The following ARMC8 variants were observed in gnomAD, a reference collection of about 807,000 sequenced individuals.
ARMC8 encodes armadillo repeat-containing protein 8.
ARMC8 carries 20 observed loss-of-function variants against 99.3 expected under a neutral mutation model. That is an observed-to-expected ratio of 0.20 (90% CI 0.14 to 0.29). The LOEUF (loss-of-function observed/expected upper bound fraction) is 0.29. Among genes scored for constraint, ARMC8 ranks in the 10% least tolerant of loss-of-function variants. ARMC8 has a pLI of 1.00. For synonymous variants in ARMC8, 263 were observed against 278.3 expected (o/e 0.95, Z 0.55); for missense variants, 569 against 809.5 (o/e 0.70, Z 3.60).
rs550097862 is a variant in ARMC8 at position 138,262,676 on chromosome 3, A to G, written c.1135-1063A>G. 1.9e-3 allele frequency: 2,378 copies of G among 1,284,950 alleles called. 20 individuals are homozygous for G. The Middle Eastern group carries it at 0.022, about 12-fold the overall frequency. 79.6% of individuals were successfully genotyped at this position (1,284,950 alleles called of 1,614,324 possible). A position where few individuals can be genotyped will look rare whatever the true frequency, so the allele number is the denominator to read the frequency against. On this transcript the variant is annotated intron_variant, in intron 12 of 21. Coordinates refer to ENST00000469044, the MANE Select transcript of ARMC8 (RefSeq NM_001363941.2). ...AATTGGTCTGCTGTATGGCCTGGAC[A>G]TAGGATTAAAAAAAAAAATCTCCCC...
At chr3:138,276,804 G>T (rs893473781) in intron 18 of ARMC8, among the ~76,000 whole-genome samples, 2 of 152,114 alleles carry the variant, frequency 1.3e-5, no homozygotes, top group African/African-American at 4.8e-5. Flanking sequence ...TAAAATGTTG[G>T]TTCTCCCCAA....
intron 6 of ARMC8, among the ~76,000 whole-genome samples, chr3:138,234,542 G>T (rs541039671): frequency 1.3e-5 from 2 of 152,322 alleles, no homozygotes; most frequent in South Asian, 4.1e-4. Flanking sequence ...TGTTAAGGTA[G>T]GTTAGTTTGT....
Position 138,223,511 on chromosome 3 carries a change from T to G in ARMC8, c.317T>G (p.Ile106Ser). ...GTCAAGTCTCTACTGGACTGCCATATTATCCCTGCCTTATTGCAAGGTATG... is the reference window on the plus strand; with the variant it reads ...GTCAAGTCTCTACTGGACTGCCATAGTATCCCTGCCTTATTGCAAGGTATG... ...NNVKSLLDCH[I>S]IPALLQGLLS... The change falls in exon 4 of 22, where the codon ATT (isoleucine) becomes AGT (serine). Residue 106 changes from isoleucine to serine, a missense_variant. This residue lies in a region of ARMC8 where 342 missense variants were observed against 391.6 expected (regional missense o/e 0.87). Coordinates refer to ENST00000469044, the MANE Select transcript of ARMC8 (RefSeq NM_001363941.2). 2 of 1,614,226 alleles carry G rather than the reference T, an allele frequency of 1.2e-6. No individual in the cohort carries two copies. The highest frequency in any genetic ancestry group is 1.7e-6 in the Non-Finnish European group (2 of 1,180,036).
intron 5 of ARMC8, among the ~76,000 whole-genome samples, chr3:138,224,976 C>T (rs535077607): frequency 3.3e-5 from 5 of 152,154 alleles, no homozygotes; most frequent in East Asian, 3.9e-4. Context: ...AGCTGACTTT[C>T]GGTTGAAATC....
intron 6 of ARMC8, among the ~76,000 whole-genome samples, chr3:138,233,622 A>G (rs965421703): frequency 6.6e-6 from 1 of 152,250 alleles, no homozygotes; most frequent in Admixed American, 6.5e-5. Flanking sequence ...ATTGTTACCT[A>G]TAAAGTAGAA....
intron 19 of ARMC8, among the ~76,000 whole-genome samples, chr3:138,288,380 T>G (rs922438391): frequency 1.2e-4 from 19 of 152,226 alleles, no homozygotes; most frequent in African/African-American, 4.1e-4. Context: ...AAGCATAGAA[T>G]TGTCATATGA....
At chr3:138,282,993 A>C (rs1055301644) in intron 18 of ARMC8, among the ~76,000 whole-genome samples, 1 of 152,224 alleles carries the variant, frequency 6.6e-6, no homozygotes, top group Non-Finnish European at 1.5e-5. Flanking sequence ...CACCTTCTCC[A>C]GATCAGATCA....
intron 12 of ARMC8, chr3:138,245,394 A>G (rs2046835895): frequency 2.1e-6 from 3 of 1,396,696 alleles, no homozygotes; most frequent in African/African-American, 2.9e-5. Context: ...CCGTGCTGGA[A>G]TGACAAATAA....
intron 19 of ARMC8, among the ~76,000 whole-genome samples, chr3:138,286,833 A>C (rs1207183441): frequency 6.6e-6 from 1 of 151,948 alleles, no homozygotes; most frequent in African/African-American, 2.4e-5. Flanking sequence ...CCCAGCCTAG[A>C]CCTCTCTTCC....
At chr3:138,251,770 T>G (rs1156375370) in intron 12 of ARMC8, among the ~76,000 whole-genome samples, 2 of 152,228 alleles carry the variant, frequency 1.3e-5, no homozygotes, top group Non-Finnish European at 2.9e-5. Context: ...TATTTCATAG[T>G]TTCATTAAAT....
chr3:138,223,322 T>C, intron 3 of ARMC8, 67 bp from the exon 4 acceptor site: 1 of 1,501,186 alleles, frequency 6.7e-7, no homozygotes, highest in Non-Finnish European at 9.1e-7. Flanking sequence ...TGCACAGCCT[T>C]TTTTGGTCAC....
intron 12 of ARMC8, among the ~76,000 whole-genome samples, chr3:138,250,161 A>G (rs1329811710): frequency 3.3e-5 from 5 of 152,102 alleles, no homozygotes; most frequent in South Asian, 2.1e-4. Context: ...AAAGAACAAG[A>G]ATTTGTCTTC....
chr3:138,295,248 G>A (rs1004222398), intron 21 of ARMC8, among the ~76,000 whole-genome samples: 1 of 151,974 alleles, frequency 6.6e-6, no homozygotes, highest in African/African-American at 2.4e-5. Context: ...CCCCATCACC[G>A]TAACAACACA....
intron 6 of ARMC8, among the ~76,000 whole-genome samples, chr3:138,232,273 G>A (rs182747950): frequency 6.6e-6 from 1 of 152,124 alleles, no homozygotes; most frequent in East Asian, 1.9e-4. Context: ...ACTGCGTCTA[G>A]CCCCTTACAA....
At chr3:138,252,740 CA>C (rs1344916812) in intron 12 of ARMC8, among the ~76,000 whole-genome samples, 5 of 38,538 alleles carry the variant, frequency 1.3e-4, no homozygotes, top group African/African-American at 4.8e-4. Context: ...AGGCGTGAGC[CA>C]CCCCGCCCCC....
chr3:138,196,985 A>AT (rs970396824), intron 1 of ARMC8, among the ~76,000 whole-genome samples: 1 of 152,146 alleles, frequency 6.6e-6, no homozygotes, highest in African/African-American at 2.4e-5. Flanking sequence ...AAGAGCTACA[A>AT]TTTTTTACCC....
intron 18 of ARMC8, 131 bp downstream of exon 18, chr3:138,274,675 G>C (rs1263069338): frequency 6.1e-6 from 4 of 660,016 alleles, no homozygotes; most frequent in Non-Finnish European, 1.0e-5. Flanking sequence ...GAAATAGGAA[G>C]AAATATCTTC....
In ARMC8 at chr3:138,276,001, G is replaced by C. The variant is rs2049256131; in HGVS notation, c.1725+1457G>C. Among the ~76,000 whole-genome samples the C allele has an allele frequency of 6.6e-5, 10 of 152,244 alleles. No homozygotes were observed. The South Asian group carries it at 2.1e-3, about 32-fold the overall frequency. On this transcript the variant is annotated intron_variant, in intron 18 of 21. Transcript: ENST00000469044. ...AAACCATTGTACTTTGAGAGGATAG[G>C]AATGAATTTTGTCTATAAAGACAAC...
At chr3:138,214,348 AT>A (rs879828687) in intron 2 of ARMC8, among the ~76,000 whole-genome samples, 2,000 of 145,452 alleles carry the variant, frequency 0.014, 30 homozygotes, top group African/African-American at 0.044. Context: ...GAATCATGTG[AT>A]TTTTTTTTTT....
Sources: allele counts gnomAD v4.1 joint callset (sites outside exome capture counted in the v4.1 genomes callset), GRCh38; gene constraint gnomAD v4.1.1; regional missense constraint gnomAD v4.1.1; transcripts MANE v1.5; gene names NCBI Gene and HGNC (gene_info 2026-07-23, HGNC 2026-07-21).